Variants in THUMPD2 observed in about 807,000 individuals in gnomAD.
THUMPD2 encodes U6 snRNA (guanine-N(2))-methyltransferase THUMPD2.
Under a neutral mutation model 49.4 loss-of-function variants are expected in THUMPD2, and 56 were observed. That is an observed-to-expected ratio of 1.13 (90% CI 0.91 to 1.41). The LOEUF is 1.41. Ranked by LOEUF, THUMPD2 falls within the 40% of genes most tolerant of loss-of-function variation. The probability of loss-of-function intolerance (pLI) is 0.00; values close to 1 mark genes in which losing one functional copy is unlikely to be tolerated. For missense variants in THUMPD2, 709 were observed against 594.5 expected, an observed-to-expected ratio of 1.19 and a Z score of -2.00; for synonymous variants, 237 against 205.2, an observed-to-expected ratio of 1.15 and a Z score of -1.32.
At chr2:39,762,585 G>A (rs926824875) in intron 5 of THUMPD2, among the ~76,000 whole-genome samples, 1 of 151,704 alleles carries the variant, frequency 6.6e-6, no homozygotes, top group African/African-American at 2.4e-5. Context: ...AAACAGTACT[G>A]TATATATACA....
rs1676076840 is a variant in THUMPD2 at position 39,756,058 on chromosome 2, G to T, written c.892-98C>A. On this transcript the variant is annotated intron_variant, in intron 6 of 9. Transcript: ENST00000505747. ...GAGGAATCAATATTTCAAGAGGAAA[G>T]ATTACATTTTAAAGGGGTGGTGGCT... 3 of 1,160,524 alleles carry T rather than the reference G, an allele frequency of 2.6e-6. No homozygotes were observed. In the East Asian group the frequency reaches 7.4e-5, roughly 29 times the overall value. The allele number at this position is 1,160,524 out of a possible 1,614,324, so 71.9% of individuals were successfully genotyped here.
chr2:39,773,488 A>C (rs1306377670), intron 1 of THUMPD2, among the ~76,000 whole-genome samples: 1 of 148,922 alleles, frequency 6.7e-6, no homozygotes, highest in African/African-American at 2.4e-5. Flanking sequence ...TCAAACATCA[A>C]GGGAAGCATT....
chr2:39,757,276 A>C, intron 6 of THUMPD2: 1 of 735,392 alleles, frequency 1.4e-6, no homozygotes, highest in East Asian at 6.5e-5. Context: ...CGTGCTCGAG[A>C]TAGGGGAGAA....
chr2:39,749,826 A>T (rs984235064), intron 8 of THUMPD2, among the ~76,000 whole-genome samples: 2 of 149,172 alleles, frequency 1.3e-5, no homozygotes, highest in East Asian at 3.9e-4. Flanking sequence ...TTTAGCTCCC[A>T]CTTATAAGTG....
chr2:39,768,994 T>C, intron 3 of THUMPD2: 13 of 1,304,662 alleles, frequency 1.0e-5, no homozygotes, highest in Non-Finnish European at 1.2e-5. Flanking sequence ...TGATGAGGTC[T>C]GGTGATGGCA....
At chr2:39,760,043 T>C (rs1306109364) in intron 6 of THUMPD2, among the ~76,000 whole-genome samples, 2 of 152,206 alleles carry the variant, frequency 1.3e-5, no homozygotes, top group Non-Finnish European at 2.9e-5. Flanking sequence ...TATGTGTGTA[T>C]TACGTGGAAT....
At chr2:39,741,739 T>C (rs186709148) in intron 9 of THUMPD2, among the ~76,000 whole-genome samples, 3 of 152,214 alleles carry the variant, frequency 2.0e-5, no homozygotes, top group Non-Finnish European at 4.4e-5. Flanking sequence ...AGTCCAGCTC[T>C]GTAGTACATA....
At chr2:39,777,166 G>C (rs1372275228) in intron 1 of THUMPD2, among the ~76,000 whole-genome samples, 1 of 152,202 alleles carries the variant, frequency 6.6e-6, no homozygotes, top group Non-Finnish European at 1.5e-5. Flanking sequence ...CATGCTACCT[G>C]TGCTATCTTT....
chr2:39,738,547 G>T (rs1427531666), intron 9 of THUMPD2, among the ~76,000 whole-genome samples: 1 of 151,442 alleles, frequency 6.6e-6, no homozygotes, highest in Non-Finnish European at 1.5e-5. Flanking sequence ...CTGGGCAACA[G>T]AGAGAGACCC....
rs1046239094 is a variant in THUMPD2, at chr2:39,769,165, A to G, written c.672+545T>C. On this transcript the variant is annotated intron_variant, in intron 3 of 9. Coordinates refer to ENST00000505747, the MANE Select transcript of THUMPD2 (RefSeq NM_025264.5). ...AACCCCAAAAGCTGAGGACTATGGT[A>G]TCAGGATTTCCAAATACAAAGGACA... 51 of 1,132,622 alleles carry G rather than the reference A, an allele frequency of 4.5e-5. No homozygotes were observed. In the African/African-American group the frequency reaches 8.4e-4, roughly 19 times the overall value. 70.2% of individuals were successfully genotyped at this position (1,132,622 alleles called of 1,614,324 possible). A position where few individuals can be genotyped will look rare whatever the true frequency, so the allele number is the denominator to read the frequency against.
Position 39,755,356 on chromosome 2 carries a change from C to A in THUMPD2, c.1017G>T (p.Trp339Cys). The change falls in exon 8 of 10, where the codon TGG becomes TGT. Residue 339 changes from tryptophan (W) to cysteine (C), a missense_variant. Transcript: ENST00000505747. Reference sequence around the variant, plus strand: ...CAAGGCCTGCAGCTTTCAGATTGTCCCAAGTACCTAGTAACTGTGAGTCGC... The same window carrying A: ...CAAGGCCTGCAGCTTTCAGATTGTCACAAGTACCTAGTAACTGTGAGTCGC... ...DVSDSQLLGT[W>C]DNLKAAGLED... 1 of 1,553,720 alleles carries A rather than the reference C, an allele frequency of 6.4e-7. No individual in the cohort carries two copies. The highest frequency in any genetic ancestry group is 8.6e-7 in the Non-Finnish European group (1 of 1,160,012).
At position 39,771,607 on chromosome 2, in the gene THUMPD2, T is replaced by A. The variant is rs1477082776; in HGVS notation, c.160A>T (p.Thr54Ser). ...TTCAACATATTCAAATCAGAACAGGTGGTGAAAAAAACCTTTCCTGAAATA... is the reference window on the plus strand; with the variant it reads ...TTCAACATATTCAAATCAGAACAGGAGGTGAAAAAAACCTTTCCTGAAATA... ...EYISGKVFFT[T>S]CSDLNMLKKL... Residue 54 changes from threonine (T) to serine (S), a missense_variant, in exon 2 of 10, where the codon ACC becomes TCC. Coordinates refer to ENST00000505747, the MANE Select transcript of THUMPD2 (RefSeq NM_025264.5). 11 of 1,604,748 alleles carry A rather than the reference T, an allele frequency of 6.9e-6. No individual in the cohort carries two copies. The Admixed American group carries it at 1.4e-4, about 20-fold the overall frequency.
At chr2:39,753,104 A>C (rs188209646) in intron 8 of THUMPD2, among the ~76,000 whole-genome samples, 36 of 149,742 alleles carry the variant, frequency 2.4e-4, no homozygotes, top group African/African-American at 8.4e-4. Flanking sequence ...TTCTATGTTC[A>C]AAAAAACCCC....
chr2:39,744,697 C>A, intron 8 of THUMPD2: 1 of 320,868 alleles, frequency 3.1e-6, no homozygotes, highest in Non-Finnish European at 5.6e-6. Flanking sequence ...ATTGGTTTTT[C>A]AGATACAATA....
chr2:39,768,935 G>A, intron 3 of THUMPD2: 8 of 1,303,560 alleles, frequency 6.1e-6, no homozygotes, highest in Non-Finnish European at 8.1e-6. Context: ...GGTTGATAAA[G>A]TATTCAGACC....
intron 1 of THUMPD2, among the ~76,000 whole-genome samples, chr2:39,777,041 C>T (rs1195210824): frequency 1.3e-5 from 2 of 152,122 alleles, no homozygotes; most frequent in Non-Finnish European, 2.9e-5. Flanking sequence ...TGTTAATTTC[C>T]TTGATGCGAT....
chr2:39,744,282 C>G (rs1170666624), intron 9 of THUMPD2, 88 bp downstream of exon 9: 2 of 654,810 alleles, frequency 3.1e-6, no homozygotes, highest in Non-Finnish European at 4.8e-6. Flanking sequence ...TGCTAAAAAG[C>G]AATCAGACCT....
intron 9 of THUMPD2, among the ~76,000 whole-genome samples, chr2:39,738,772 G>A (rs1673502499): frequency 6.6e-6 from 1 of 151,700 alleles, no homozygotes; most frequent in Admixed American, 6.6e-5. Context: ...AGTGAACCCA[G>A]GGACAGCAAT....
intron 8 of THUMPD2, among the ~76,000 whole-genome samples, chr2:39,754,546 A>T (rs1395392744): frequency 6.6e-6 from 1 of 152,226 alleles, no homozygotes. Context: ...CTGTCAACAG[A>T]ATACAATGTT....
Sources: allele counts gnomAD v4.1 joint callset (sites outside exome capture counted in the v4.1 genomes callset), GRCh38; gene constraint gnomAD v4.1.1; transcripts MANE v1.5; gene names NCBI Gene and HGNC (gene_info 2026-07-23, HGNC 2026-07-21).